PRPSAP1: variants seen among roughly 807,000 people sequenced by gnomAD.
The protein encoded by PRPSAP1 is phosphoribosyl pyrophosphate synthetase associated protein 1.
In PRPSAP1, 31 loss-of-function variants were observed where a neutral mutation model predicts 39.4. The ratio of observed to expected loss-of-function variants is 0.79; its 90% confidence interval spans 0.59 to 1.06. The LOEUF (loss-of-function observed/expected upper bound fraction) is 1.06, where lower values mean the gene tolerates loss of function less well. Among genes scored for constraint, PRPSAP1 ranks in the 50% least tolerant of loss-of-function variants. The probability of loss-of-function intolerance (pLI) is 0.00; values close to 1 mark genes in which losing one functional copy is unlikely to be tolerated. For missense variants in PRPSAP1, 430 were observed against 511.6 expected (o/e 0.84, Z 1.54); for synonymous variants, 212 against 192.6 (o/e 1.10, Z -0.83).
chr17:76,343,013 G>A (rs1000141047), intron 3 of PRPSAP1, among the ~76,000 whole-genome samples: 1 of 152,184 alleles, frequency 6.6e-6, no homozygotes, highest in African/African-American at 2.4e-5. Context: ...GGAGGTGGAG[G>A]CTGCAGTGAG....
intron 1 of PRPSAP1, among the ~76,000 whole-genome samples, chr17:76,349,270 C>T (rs1346232289): frequency 1.3e-5 from 2 of 151,060 alleles, no homozygotes; most frequent in Admixed American, 6.6e-5. Flanking sequence ...CGCCATTGCA[C>T]TCCCGCCTGG....
At chr17:76,320,638 T>TTGGCCAGGCTGGTCTCGAACTCC in intron 7 of PRPSAP1, among the ~76,000 whole-genome samples, 1 of 151,500 alleles carries the variant, frequency 6.6e-6, no homozygotes, top group East Asian at 1.9e-4. Flanking sequence ...TTTCACCATG[T>TTGGCCAGGCTGGTCTCGAACTCC]TGGCCAGGCT....
At chr17:76,320,869 C>T (rs1235237200) in intron 7 of PRPSAP1, among the ~76,000 whole-genome samples, 1 of 151,674 alleles carries the variant, frequency 6.6e-6, no homozygotes, top group Non-Finnish European at 1.5e-5. Flanking sequence ...GCAACCTCTG[C>T]CTCCTGGACT....
intron 2 of PRPSAP1, among the ~76,000 whole-genome samples, chr17:76,347,484 C>CAAAAAAAAAAAAAAAAAAAAAAAAAA (rs71161289): frequency 7.9e-5 from 2 of 25,220 alleles, no homozygotes; most frequent in African/African-American, 1.1e-4. Context: ...AAGACTCCGT[C>CAAAAAAAAAAAAAAAAAAAAAAAAAA]AAAAAAAAAA....
intron 1 of PRPSAP1, among the ~76,000 whole-genome samples, chr17:76,349,455 G>C (rs1314296352): frequency 6.6e-6 from 1 of 151,882 alleles, no homozygotes; most frequent in Admixed American, 6.6e-5. Context: ...TATGATGTAA[G>C]ATAATCTATT....
intron 1 of PRPSAP1, among the ~76,000 whole-genome samples, chr17:76,351,471 C>T (rs912634326): frequency 2.6e-5 from 4 of 151,952 alleles, no homozygotes; most frequent in Admixed American, 6.6e-5. Flanking sequence ...GCCGAGATCG[C>T]GCCACTGCAC....
chr17:76,312,659 A>G (rs1452124490), intron 9 of PRPSAP1: 2 of 469,576 alleles, frequency 4.3e-6, no homozygotes, highest in Non-Finnish European at 7.3e-6. Flanking sequence ...ATGGTTTTGC[A>G]TCATCATAAA....
chr17:76,348,119 C>G (rs1416138540), intron 2 of PRPSAP1, among the ~76,000 whole-genome samples: 1 of 151,954 alleles, frequency 6.6e-6, no homozygotes, highest in Non-Finnish European at 1.5e-5. Context: ...CTCAGAAGTT[C>G]AAGACCAGCC....
In PRPSAP1 at chr17:76,322,375, G is replaced by A. The variant is rs544802974; in HGVS notation, c.781+6342C>T. ...CGTGCCATTGCACTCCAGCCTGGGC[G>A]ACAGAGCAAGACTCCATCTCAAAAA... On this transcript the variant is annotated intron_variant, in intron 7 of 9. Transcript: ENST00000446526. 4.6e-5 allele frequency among the ~76,000 whole-genome samples: 7 copies of A among 151,974 alleles called. No individual in the cohort carries two copies. The East Asian group carries it at 1.2e-3, about 25-fold the overall frequency.
In PRPSAP1 at chr17:76,313,872, C is replaced by T. The variant is rs541996635; in HGVS notation, c.801G>A (p.Lys267=). Residue 267 remains lysine (K), a synonymous_variant, in exon 8 of 10, where the codon AAG becomes AAA. Transcript: ENST00000446526. Reference sequence around the variant, plus strand: ...CATCTCCAACTACAGTTATCGGTGGCTTCTCTTTGGCCATCATCACTAGCA... The same window carrying T: ...CATCTCCAACTACAGTTATCGGTGGTTTCTCTTTGGCCATCATCACTAGCA... ...LELPLMMAKE[K]PPITVVGDVG... is the part of the protein sequence containing the mutation. 4.3e-6 allele frequency: 7 copies of T among 1,614,152 alleles called. No homozygotes were observed. In the South Asian group the frequency reaches 7.7e-5, roughly 18 times the overall value.
In PRPSAP1 at chr17:76,311,352, T is replaced by G; in HGVS notation, c.*190A>C. ...ACAGCAGACATGTAAGGCCATGTTA[T>G]GATATTTATCCATTAGCTCTGTCTT... On this transcript the variant is annotated 3_prime_UTR_variant, in exon 10 of 10. Transcript: ENST00000446526. 3.6e-6 allele frequency: 2 copies of G among 558,522 alleles called. No homozygotes were observed. The highest frequency in any genetic ancestry group is 6.1e-6 in the Non-Finnish European group (2 of 330,064). 34.6% of individuals were successfully genotyped at this position (558,522 alleles called of 1,614,324 possible).
At chr17:76,330,164 T>C in intron 5 of PRPSAP1, 66 bp from the exon 6 acceptor site, 1 of 1,409,988 alleles carries the variant, frequency 7.1e-7, no homozygotes, top group Non-Finnish European at 1.0e-6. Flanking sequence ...GATGCTGGTA[T>C]TCAAGTTTTC....
At position 76,323,001 on chromosome 17, in the gene PRPSAP1, C is replaced by T. The variant is rs138857140; in HGVS notation, c.781+5716G>A. On this transcript the variant is annotated intron_variant, in intron 7 of 9. Coordinates refer to ENST00000446526, the MANE Select transcript of PRPSAP1 (RefSeq NM_002766.3). ...GAGAGGGAGATCCTGTCACTGTACTCCAGCCTGGACAGCAGACAGAGACCC... is the reference window on the plus strand; with the variant it reads ...GAGAGGGAGATCCTGTCACTGTACTTCAGCCTGGACAGCAGACAGAGACCC... 4.6e-5 allele frequency among the ~76,000 whole-genome samples: 7 copies of T among 151,758 alleles called. No individual in the cohort carries two copies. The East Asian group carries it at 1.4e-3, about 29-fold the overall frequency.
intron 3 of PRPSAP1, among the ~76,000 whole-genome samples, chr17:76,340,822 G>A (rs1301950870): frequency 4.0e-5 from 6 of 151,556 alleles, no homozygotes; most frequent in South Asian, 4.2e-4. Flanking sequence ...CCTGGGAGGC[G>A]GGGGTTGTGG....
chr17:76,344,188 C>T (rs1322235769), intron 3 of PRPSAP1, among the ~76,000 whole-genome samples: 4 of 152,164 alleles, frequency 2.6e-5, no homozygotes, highest in African/African-American at 7.2e-5. Context: ...AGTGCAGTGG[C>T]GCGATCTCGG....
intron 1 of PRPSAP1, among the ~76,000 whole-genome samples, chr17:76,352,128 T>TC (rs1247038853): frequency 6.6e-6 from 1 of 151,660 alleles, no homozygotes; most frequent in Non-Finnish European, 1.5e-5. Flanking sequence ...CTTCTACATT[T>TC]CCCCCCAGAA....
intron 3 of PRPSAP1, among the ~76,000 whole-genome samples, chr17:76,341,896 G>C (rs145580125): frequency 5.4e-4 from 82 of 152,234 alleles, no homozygotes; most frequent in African/African-American, 1.9e-3. Context: ...CCAAGATTGC[G>C]CCACTGCACC....
intron 5 of PRPSAP1, 102 bp downstream of exon 5, chr17:76,330,449 G>T: frequency 1.2e-6 from 1 of 829,420 alleles, no homozygotes; most frequent in South Asian, 1.8e-5. Flanking sequence ...ACTTAAGGGA[G>T]AGCTCATTTG....
At chr17:76,333,624 AAC>A (rs1029299164) in intron 3 of PRPSAP1, among the ~76,000 whole-genome samples, 5 of 151,854 alleles carry the variant, frequency 3.3e-5, no homozygotes, top group Non-Finnish European at 5.9e-5. Context: ...CAGCCTGGGC[AAC>A]AGAGTGAGGC....
Sources: allele counts gnomAD v4.1 joint callset (sites outside exome capture counted in the v4.1 genomes callset), GRCh38; gene constraint gnomAD v4.1.1; transcripts MANE v1.5; gene names NCBI Gene and HGNC (gene_info 2026-07-23, HGNC 2026-07-21).